The following IFNGR1 variants were observed in gnomAD, a reference collection of about 807,000 sequenced individuals.
IFNGR1 encodes the protein AVP, type 2.
Under a neutral mutation model 35.4 loss-of-function variants are expected in IFNGR1, and 23 were observed. The ratio of observed to expected loss-of-function variants is 0.65; its 90% CI spans 0.47 to 0.92. The LOEUF (loss-of-function observed/expected upper bound fraction) is 0.92. IFNGR1 is among the 40% of genes least tolerant of loss of function. The pLI is 0.00. For missense variants in IFNGR1, 533 were observed against 583.4 expected (o/e 0.91, Z 0.89); for synonymous variants, 199 against 209.5 (o/e 0.95, Z 0.43).
intron 1 of IFNGR1, 123 bp downstream of exon 1, chr6:137,219,120 C>T: frequency 1.5e-6 from 2 of 1,312,042 alleles, no homozygotes; most frequent in Non-Finnish European, 1.1e-6. Context: ...CCGCTCAGGG[C>T]CCGACGCAGG....
intron 4 of IFNGR1, 38 bp from the exon 5 acceptor site, chr6:137,203,723 C>A: frequency 2.4e-5 from 34 of 1,438,978 alleles, no homozygotes; most frequent in Non-Finnish European, 3.0e-5. Context: ...TGCACAGCTT[C>A]TTTTAATCTG....
intron 6 of IFNGR1, among the ~76,000 whole-genome samples, chr6:137,198,877 T>A (rs1779168574): frequency 6.6e-6 from 1 of 152,226 alleles, no homozygotes; most frequent in South Asian, 2.1e-4. Context: ...TGTACGTTAC[T>A]GTGATGGTTA....
intron 1 of IFNGR1, chr6:137,218,368 C>G (rs9376269): frequency 0.27 from 171,470 of 640,188 alleles, 26,551 homozygotes; most frequent in South Asian, 0.52. Context: ...AAAAGCCACC[C>G]TCAACATTTG....
chr6:137,208,519 C>A (rs776533630), intron 1 of IFNGR1, among the ~76,000 whole-genome samples: 1 of 152,198 alleles, frequency 6.6e-6, no homozygotes, highest in African/African-American at 2.4e-5. Flanking sequence ...TGGTGCCTTG[C>A]GTCCCAGCTG....
intron 4 of IFNGR1, 170 bp from the exon 5 acceptor site, chr6:137,203,855 C>T: frequency 7.8e-6 from 5 of 640,454 alleles, no homozygotes; most frequent in South Asian, 7.4e-5. Context: ...TTCAACACAG[C>T]ACGATACTAT....
At chr6:137,204,256 T>C in intron 4 of IFNGR1, 76 bp downstream of exon 4, 1 of 1,198,862 alleles carries the variant, frequency 8.3e-7, no homozygotes, top group South Asian at 1.2e-5. Flanking sequence ...GCATCCTATT[T>C]TCATTACACT....
chr6:137,198,739 C>T, intron 6 of IFNGR1, 100 bp from the exon 7 acceptor site: 4 of 870,604 alleles, frequency 4.6e-6, no homozygotes. Context: ...CCAAATGGCA[C>T]ATTTAGGATA....
chr6:137,204,194 A>G, intron 4 of IFNGR1, 138 bp downstream of exon 4: 2 of 740,942 alleles, frequency 2.7e-6, no homozygotes, highest in Non-Finnish European at 2.3e-6. Context: ...TAGCATTCAC[A>G]TATTTTTCTT....
At chr6:137,219,059 G>C (rs1779780245) in intron 1 of IFNGR1, 184 bp downstream of exon 1, 1 of 696,872 alleles carries the variant, frequency 1.4e-6, no homozygotes, top group Admixed American at 2.7e-5. Context: ...CAACCGACGA[G>C]TTCAAACCAC....
intron 1 of IFNGR1, chr6:137,215,477 C>G (rs187826549): frequency 2.1e-5 from 14 of 671,542 alleles, no homozygotes; most frequent in African/African-American, 3.6e-5. Flanking sequence ...TTAGGATAAT[C>G]TAAAATAAAG....
intron 1 of IFNGR1, among the ~76,000 whole-genome samples, chr6:137,211,839 AT>A (rs1444447691): frequency 2.6e-5 from 4 of 152,228 alleles, no homozygotes; most frequent in Non-Finnish European, 5.9e-5. Flanking sequence ...CAACATTAAT[AT>A]CAAATAACAA....
intron 1 of IFNGR1, 85 bp downstream of exon 1, chr6:137,219,158 A>C (rs930078175): frequency 6.6e-7 from 1 of 1,520,808 alleles, no homozygotes; most frequent in Non-Finnish European, 8.9e-7. Flanking sequence ...ACCTCGGAGA[A>C]GCGGGGCGGG....
At chr6:137,215,236 T>C in intron 1 of IFNGR1, 1 of 1,540,276 alleles carries the variant, frequency 6.5e-7, no homozygotes, top group South Asian at 1.2e-5. Context: ...AACATCTTTG[T>C]GATCGTTTAA....
At position 137,198,350 on chromosome 6, in the gene IFNGR1, C is replaced by T. The variant is rs2114443404; in HGVS notation, c.1151G>A (p.Ser384Asn). Residue 384 changes from serine to asparagine, a missense_variant, in exon 7 of 7, where the codon AGT becomes AAT. Coordinates refer to ENST00000367739, the MANE Select transcript of IFNGR1 (RefSeq NM_000416.3). Reference protein sequence around the residue: ...IERESSSPLSSNQSEPGSIAL... With the variant: ...IERESSSPLSNNQSEPGSIAL... ...GATGCTGCCAGGTTCAGACTGGTTA[C>T]TACTTAAAGGTGAAGAACTCTCTCT... 1 of 1,613,932 alleles carries T rather than the reference C, an allele frequency of 6.2e-7. No individual in the cohort carries two copies. Among genetic ancestry groups the T allele is most frequent in the Non-Finnish European group, 8.5e-7 (1 of 1,180,022 alleles).
intron 6 of IFNGR1, among the ~76,000 whole-genome samples, chr6:137,200,336 C>T (rs866206151): frequency 3.3e-5 from 5 of 152,142 alleles, no homozygotes; most frequent in Non-Finnish European, 7.4e-5. Context: ...ACATTAAAAT[C>T]GTCAAACTCC....
intron 2 of IFNGR1, chr6:137,206,544 TC>T (rs1255675833): frequency 2.2e-6 from 1 of 459,928 alleles, no homozygotes; most frequent in Non-Finnish European, 3.8e-6. Flanking sequence ...CAAGCCACAT[TC>T]CACATTCAAT....
chr6:137,214,801 AAAAAACAATGCAGGC>A (rs1779653191), intron 1 of IFNGR1, among the ~76,000 whole-genome samples: 1 of 152,210 alleles, frequency 6.6e-6, no homozygotes, highest in African/African-American at 2.4e-5. Flanking sequence ...TGAGGAAATG[AAAAAACAATGCAGGC>A]CTTTCCAGTC....
Position 137,198,108 on chromosome 6 carries a change from C to A in IFNGR1, c.1393G>T (p.Asp465Tyr), listed in dbSNP as rs745872541. The A allele has an allele frequency of 6.2e-7, 1 of 1,614,124 alleles. No homozygotes were observed. Among genetic ancestry groups the A allele is most frequent in the Non-Finnish European group, 8.5e-7 (1 of 1,180,016 alleles). Residue 465 changes from aspartate to tyrosine, a missense_variant, in exon 7 of 7, where the codon GAT (aspartate) becomes TAT (tyrosine). Transcript: ENST00000367739. ...TTACCGCTATCATCCACAAGTAGAT[C>A]CACTAGCACATGTGGTTTATCATAA... Reference protein sequence around the residue: ...FGYDKPHVLVDLLVDDSGKES... With the variant: ...FGYDKPHVLVYLLVDDSGKES...
chr6:137,213,976 C>T (rs1301622380), intron 1 of IFNGR1, among the ~76,000 whole-genome samples: 1 of 152,218 alleles, frequency 6.6e-6, no homozygotes, highest in Non-Finnish European at 1.5e-5. Flanking sequence ...CTGCAGAAAT[C>T]ATCTGACAAC....
Sources: gnomAD v4.1 joint callset for allele counts (sites outside exome capture counted in the v4.1 genomes callset) on GRCh38, gnomAD v4.1.1 for gene constraint, MANE v1.5 for transcripts, NCBI Gene and HGNC (gene_info 2026-07-23, HGNC 2026-07-21) for gene names.